The following PKHD1L1 variants were observed in gnomAD, a reference collection of about 807,000 sequenced individuals.
PKHD1L1 encodes the protein PKHD1 like 1, also known as fibrocystin-L.
In PKHD1L1, 434 loss-of-function variants were observed where a neutral mutation model predicts 462.9. The ratio of observed to expected loss-of-function variants is 0.94; its 90% CI spans 0.87 to 1.02. The LOEUF (loss-of-function observed/expected upper bound fraction) is 1.02. Ranked by LOEUF, PKHD1L1 falls within the 50% of genes least tolerant of loss-of-function variation. The probability of loss-of-function intolerance (pLI) is 0.00; values close to 1 mark genes in which losing one functional copy is unlikely to be tolerated. For missense variants in PKHD1L1, 5,202 were observed against 5,096.1 expected (o/e 1.02, Z -0.63); for synonymous variants, 1,781 against 1,750.0 (o/e 1.02, Z -0.44).
At chr8:109,429,643 T>C (rs1324592125) in intron 26 of PKHD1L1, among the ~76,000 whole-genome samples, 181 bp downstream of exon 26, 2 of 152,198 alleles carry the variant, frequency 1.3e-5, no homozygotes, top group Admixed American at 1.3e-4. Flanking sequence ...ATCTTCCTTA[T>C]GATAAAATAG....
chr8:109,457,553 T>C (rs1337415527), intron 46 of PKHD1L1, among the ~76,000 whole-genome samples: 4 of 152,176 alleles, frequency 2.6e-5, no homozygotes, highest in African/African-American at 7.2e-5. Flanking sequence ...GTTAAGAAAA[T>C]GCCTTCAAAA....
Position 109,515,316 on chromosome 8 carries a change from AG to A in PKHD1L1, c.11689+12del. ...ACCATCTGTACAAAGGTATTGTCTC[AG>A]AAAAAATACAGTACACATGGAAAAT... On this transcript the variant is annotated intron_variant, in intron 72 of 77. Transcript: ENST00000378402. 1 of 1,533,858 alleles carries A rather than the reference AG, an allele frequency of 6.5e-7. No individual in the cohort carries two copies. The highest frequency in any genetic ancestry group is 8.8e-7 in the Non-Finnish European group (1 of 1,137,084).
intron 25 of PKHD1L1, among the ~76,000 whole-genome samples, chr8:109,428,680 A>AATC (rs1163219600): frequency 1.3e-5 from 2 of 152,116 alleles, no homozygotes; most frequent in East Asian, 3.9e-4. Context: ...CATCTTTTCT[A>AATC]ATCAGTCTCT....
At chr8:109,415,861 AGGGGT>A (rs769198133) in intron 21 of PKHD1L1, among the ~76,000 whole-genome samples, 820 of 58,564 alleles carry the variant, frequency 0.014, 9 homozygotes, top group South Asian at 0.061. Flanking sequence ...AAAAAAAAAA[AGGGGT>A]GTGTGTGTGT....
intron 48 of PKHD1L1, 85 bp downstream of exon 48, chr8:109,461,993 A>G (rs992771594): frequency 1.2e-4 from 177 of 1,431,736 alleles, no homozygotes; most frequent in Non-Finnish European, 5.7e-5. Flanking sequence ...CTGTTTGTCA[A>G]TGCTACTTAT....
At chr8:109,427,407 G>A (rs1814819578) in intron 25 of PKHD1L1, among the ~76,000 whole-genome samples, 1 of 152,196 alleles carries the variant, frequency 6.6e-6, no homozygotes, top group Admixed American at 6.5e-5. Flanking sequence ...AAATATGTGT[G>A]TTAGAATCCC....
Position 109,394,417 on chromosome 8 carries a change from G to C in PKHD1L1, c.743G>C (p.Ser248Thr), listed in dbSNP as rs1429908055. The change falls in exon 10 of 78, where the codon AGT becomes ACT. Residue 248 changes from serine (S) to threonine (T), a missense_variant and splice_region_variant. This residue lies in a region of PKHD1L1 where 4,497 missense variants were observed against 4,336.8 expected (regional missense o/e 1.04). Transcript: ENST00000378402. Reference protein sequence around the residue: ...SFILDNDYGRSFPQKMAYFVS... With the variant: ...SFILDNDYGRTFPQKMAYFVS... Reference sequence around the variant, plus strand: ...AAAATTTAATCTTTTTTTAACAGGAGTTTTCCACAGAAAATGGCATATTTT... The same window carrying C: ...AAAATTTAATCTTTTTTTAACAGGACTTTTCCACAGAAAATGGCATATTTT... 4 of 1,481,814 alleles carry C rather than the reference G, an allele frequency of 2.7e-6. No individual in the cohort carries two copies. The Admixed American group carries it at 9.1e-5, about 34-fold the overall frequency. The allele number at this position is 1,481,814 out of a possible 1,614,324, so 91.8% of individuals were successfully genotyped here.
rs200120176 is a variant in PKHD1L1 at position 109,366,571 on chromosome 8, A to G, written c.163+1935A>G. ...TTAACAAGACTGCATTGTATACCTA[A>G]ATGTTTGCGAAGAGGGAAAATCTTG... On this transcript the variant is annotated intron_variant, in intron 2 of 77. Transcript: ENST00000378402. Among the ~76,000 whole-genome samples, 22 of 152,330 alleles carry G rather than the reference A, an allele frequency of 1.4e-4. No homozygotes were observed. In the East Asian group the frequency reaches 4.0e-3, roughly 28 times the overall value.
chr8:109,514,852 TG>T (rs1269159527), intron 71 of PKHD1L1, among the ~76,000 whole-genome samples: 1 of 152,140 alleles, frequency 6.6e-6, no homozygotes. Context: ...CCTCTTTCCC[TG>T]CTCCTGATAT....
intron 23 of PKHD1L1, among the ~76,000 whole-genome samples, chr8:109,421,748 C>G (rs939581194): frequency 2.0e-5 from 3 of 152,126 alleles, no homozygotes; most frequent in African/African-American, 7.2e-5. Context: ...CGCGCCACTG[C>G]ACTTCAGCCT....
intron 50 of PKHD1L1, among the ~76,000 whole-genome samples, chr8:109,469,757 T>C (rs1432271739): frequency 6.6e-6 from 1 of 152,178 alleles, no homozygotes; most frequent in African/African-American, 2.4e-5. Context: ...AACCTTTGCT[T>C]TTCTTCTGAT....
At position 109,382,551 on chromosome 8, in the gene PKHD1L1, A is replaced by C; in HGVS notation, c.397A>C (p.Ser133Arg). ...TAACACCTGCAAAGGTCACATCAAC[A>C]GCTGGGAATGTACCTTCAACGTATG... is the stretch of plus-strand genomic sequence containing the variant. ...ENNTCKGHINSWECTFNAKSF... is the reference protein window; with the variant it reads ...ENNTCKGHINRWECTFNAKSF... The change falls in exon 4 of 78, where the codon AGC (serine) becomes CGC (arginine). Residue 133 changes from serine to arginine, a missense_variant. Physicochemically the swap from Ser to Arg is moderately radical, Grantham distance 110 (BLOSUM62 -1). Around this residue, in one of 3 missense-constraint regions of PKHD1L1, gnomAD observed 4,497 missense variants for 4,336.8 expected, o/e 1.04. Coordinates refer to ENST00000378402, the MANE Select transcript of PKHD1L1 (RefSeq NM_177531.6). 2.5e-6 allele frequency: 4 copies of C among 1,611,598 alleles called. No homozygotes were observed. Among genetic ancestry groups the C allele is most frequent in the Middle Eastern group, 1.7e-4 (1 of 6,052 alleles).
Position 109,436,446 on chromosome 8 carries a change from G to A in PKHD1L1, c.3614G>A (p.Cys1205Tyr), listed in dbSNP as rs1815417254. 6.2e-7 allele frequency: 1 copy of A among 1,612,230 alleles called. No homozygotes were observed. The highest frequency in any genetic ancestry group is 8.5e-7 in the Non-Finnish European group (1 of 1,179,434). ...GAAGGGGATTTGAATAGGATAACCTGCAGGACACCAAAAGTAAGGCCTCTG... is the reference window on the plus strand; with the variant it reads ...GAAGGGGATTTGAATAGGATAACCTACAGGACACCAAAAGTAAGGCCTCTG... ...VIEGDLNRIT[C>Y]RTPKKTEGTV... Residue 1205 changes from cysteine (C) to tyrosine (Y), a missense_variant, in exon 30 of 78, where the codon TGC becomes TAC. Coordinates refer to ENST00000378402, the MANE Select transcript of PKHD1L1 (RefSeq NM_177531.6).
intron 6 of PKHD1L1, 38 bp downstream of exon 6, chr8:109,385,668 T>A (rs10283053): frequency 7.7e-7 from 1 of 1,298,032 alleles, no homozygotes. Context: ...TTATAACTCA[T>A]AAATGAGAAG....
At position 109,510,899 on chromosome 8, in the gene PKHD1L1, C is replaced by T. The variant is rs1563625236; in HGVS notation, c.11518C>T (p.Leu3840Phe). ...CTTCACTGGCACCAGTCCTCAGAAT[C>T]TTCGACTGATGTTGCTTAATGTTGA... is the stretch of plus-strand genomic sequence containing the variant. ...VYFTGTSPQN[L>F]RLMLLNVDHN... is the part of the protein sequence containing the mutation. The change falls in exon 71 of 78, where the codon CTT (leucine) becomes TTT (phenylalanine). Residue 3840 changes from leucine (L) to phenylalanine (F), a missense_variant. Leu to Phe is a conservative substitution (Grantham distance 22, BLOSUM62 0). Coordinates refer to ENST00000378402, the MANE Select transcript of PKHD1L1 (RefSeq NM_177531.6). 1.2e-5 allele frequency: 20 copies of T among 1,613,080 alleles called. No individual in the cohort carries two copies. Among genetic ancestry groups the T allele is most frequent in the Non-Finnish European group, 1.6e-5 (19 of 1,179,400 alleles).
intron 53 of PKHD1L1, among the ~76,000 whole-genome samples, chr8:109,478,067 A>C (rs950618933): frequency 6.6e-6 from 1 of 152,134 alleles, no homozygotes; most frequent in African/African-American, 2.4e-5. Flanking sequence ...CCTTATGGAC[A>C]ATACTACTGA....
chr8:109,369,236 C>T (rs907513430), intron 2 of PKHD1L1, among the ~76,000 whole-genome samples: 15 of 152,086 alleles, frequency 9.9e-5, no homozygotes, highest in Non-Finnish European at 2.1e-4. Flanking sequence ...CTTGGCCTCC[C>T]AAAGTACTGG....
At chr8:109,407,827 A>G (rs1408309646) in intron 17 of PKHD1L1, among the ~76,000 whole-genome samples, 1 of 152,162 alleles carries the variant, frequency 6.6e-6, no homozygotes, top group Admixed American at 6.5e-5. Context: ...CCTTAAATAT[A>G]TAGCACTTTG....
At chr8:109,449,725 G>A (rs1816375697) in intron 40 of PKHD1L1, among the ~76,000 whole-genome samples, 1 of 152,190 alleles carries the variant, frequency 6.6e-6, no homozygotes. Context: ...GGTATAAACT[G>A]ATGGTTCTTA....
Sources: gnomAD v4.1 joint callset for allele counts (sites outside exome capture counted in the v4.1 genomes callset) on GRCh38, gnomAD v4.1.1 for gene constraint, gnomAD v4.1.1 regional missense constraint, MANE v1.5 for transcripts, NCBI Gene and HGNC (gene_info 2026-07-23, HGNC 2026-07-21) for gene names.